The following RNF43 variants were observed in gnomAD, a reference collection of about 807,000 sequenced individuals.
RNF43 encodes E3 ubiquitin-protein ligase RNF43.
RNF43 carries 37 observed loss-of-function variants against 78.4 expected under a neutral mutation model. The observed-to-expected ratio is 0.47, with a 90% CI of 0.36 to 0.62. The LOEUF is 0.62. Ranked by LOEUF, RNF43 falls within the 20% of genes least tolerant of loss-of-function variation. The pLI is 0.00. For synonymous variants in RNF43, 347 were observed against 395.0 expected (o/e 0.88, Z 1.44); for missense variants, 774 against 1,007.9 (o/e 0.77, Z 3.14).
At chr17:58,362,369 T>C (rs748992120) in intron 6 of RNF43, among the ~76,000 whole-genome samples, 175 bp downstream of exon 6, 6 of 152,086 alleles carry the variant, frequency 3.9e-5, no homozygotes, top group Admixed American at 2.0e-4. Flanking sequence ...GTTGAATGGA[T>C]GAGTAATATG....
intron 3 of RNF43, among the ~76,000 whole-genome samples, chr17:58,369,514 G>A (rs1017778434): frequency 2.6e-5 from 4 of 152,200 alleles, no homozygotes; most frequent in Admixed American, 6.5e-5. Flanking sequence ...CACAAAGGCC[G>A]GGAGTGTCAC....
At chr17:58,374,375 C>T (rs1973160356) in intron 2 of RNF43, among the ~76,000 whole-genome samples, 1 of 151,760 alleles carries the variant, frequency 6.6e-6, no homozygotes, top group Admixed American at 6.6e-5. Context: ...TTCTTAGACC[C>T]TCCTCTCTTT....
rs560298338 is a variant in RNF43 at position 58,389,779 on chromosome 17, C to T, written c.253-18746G>A. Among the ~76,000 whole-genome samples the T allele has an allele frequency of 7.3e-4, 111 of 152,320 alleles. 1 individual carries two copies. Among genetic ancestry groups the T allele is most frequent in the African/African-American group, 2.6e-3 (107 of 41,572 alleles). On this transcript the variant is annotated intron_variant, in intron 2 of 9. Transcript: ENST00000407977. ...GTATCTTATAAATTCTGTATTTCTA[C>T]AATTCTACTACATAAATATGATCTA...
At chr17:58,376,701 G>T (rs920674538) in intron 2 of RNF43, among the ~76,000 whole-genome samples, 1 of 152,172 alleles carries the variant, frequency 6.6e-6, no homozygotes, top group African/African-American at 2.4e-5. Context: ...TCATGAAGAT[G>T]CAAACACGAT....
intron 3 of RNF43, among the ~76,000 whole-genome samples, chr17:58,366,667 CTG>C (rs575052654): frequency 3.3e-4 from 50 of 152,340 alleles, no homozygotes; most frequent in African/African-American, 1.2e-3. Context: ...CTTCACTACT[CTG>C]TGTCTGTTGT....
At chr17:58,356,886 C>CTTTTTTTTT (rs150378896) in intron 9 of RNF43, 4 of 144,124 alleles carry the variant, frequency 2.8e-5, no homozygotes, top group Admixed American at 2.1e-4. Flanking sequence ...CCAAATGCCT[C>CTTTTTTTTT]TTTTTTTTTT....
intron 2 of RNF43, among the ~76,000 whole-genome samples, chr17:58,386,511 T>C (rs1598152628): frequency 6.6e-6 from 1 of 152,198 alleles, no homozygotes; most frequent in East Asian, 1.9e-4. Flanking sequence ...GTACCAGCAG[T>C]TCCTGCACAT....
chr17:58,373,351 G>A (rs1973141200), intron 2 of RNF43, among the ~76,000 whole-genome samples: 3 of 152,152 alleles, frequency 2.0e-5, no homozygotes. Flanking sequence ...CTCTGACAAG[G>A]TGGAAGGGAA....
chr17:58,398,586 C>T (rs908529779), intron 2 of RNF43, among the ~76,000 whole-genome samples: 16 of 152,160 alleles, frequency 1.1e-4, no homozygotes, highest in Admixed American at 2.0e-4. Context: ...CAAACTGGAA[C>T]AACAGGGTAT....
In RNF43 at chr17:58,358,772, G is replaced by C. The variant is rs1972767060; in HGVS notation, c.1004C>G (p.Pro335Arg). The part of the protein sequence containing the change: ...SLGPSRSYQE[P>R]GRRLHLIRQH... ...GCGAATGAGGTGGAGTCTTCGACCTGGTTCTTGGTAAGATCGAGAGGGTCC... is the reference window on the plus strand; with the variant it reads ...GCGAATGAGGTGGAGTCTTCGACCTCGTTCTTGGTAAGATCGAGAGGGTCC... Residue 335 changes from proline to arginine, a missense_variant, in exon 9 of 10, where the codon CCA (proline) becomes CGA (arginine). Coordinates refer to ENST00000407977, the MANE Select transcript of RNF43 (RefSeq NM_017763.6). This position sits in a 1 kb window ranked among gnomAD's most constrained non-coding sequence, Gnocchi z 6.2. 1 of 1,558,752 alleles carries C rather than the reference G, an allele frequency of 6.4e-7. No individual in the cohort carries two copies. The highest frequency in any genetic ancestry group is 1.4e-5 in the African/African-American group (1 of 73,276).
intron 2 of RNF43, among the ~76,000 whole-genome samples, chr17:58,403,003 G>T (rs138803275): frequency 1.6e-4 from 24 of 152,256 alleles, no homozygotes; most frequent in African/African-American, 5.3e-4. Context: ...TTTTTTTGGG[G>T]TGGGGGGGTA....
chr17:58,373,010 C>A (rs374309576), intron 2 of RNF43, among the ~76,000 whole-genome samples: 2 of 152,298 alleles, frequency 1.3e-5, no homozygotes, highest in South Asian at 4.1e-4. Context: ...CACTGGAGAC[C>A]AATTTCTCTG....
intron 2 of RNF43, among the ~76,000 whole-genome samples, chr17:58,385,226 T>A (rs1415027899): frequency 1.3e-5 from 2 of 152,326 alleles, no homozygotes; most frequent in East Asian, 3.9e-4. Context: ...TCTTATTCAC[T>A]CCAGTATCTT....
At chr17:58,409,771 G>A (rs1973985752) in intron 2 of RNF43, among the ~76,000 whole-genome samples, 1 of 152,162 alleles carries the variant, frequency 6.6e-6, no homozygotes, top group Non-Finnish European at 1.5e-5. Context: ...TGTGGTCCCA[G>A]CTACTTGGGG....
In RNF43 at chr17:58,417,172, C is replaced by CAGGT. The variant is rs1974143617; in HGVS notation, c.-545_-542dup. The CAGGT allele has an allele frequency of 6.6e-6, 1 of 152,218 alleles. No homozygotes were observed. Among genetic ancestry groups the CAGGT allele is most frequent in the Non-Finnish European group, 1.5e-5 (1 of 68,080 alleles). The allele number at this position is 152,218 out of a possible 1,614,324, so 9.4% of individuals were successfully genotyped here. A position where few individuals can be genotyped will look rare whatever the true frequency, so the allele number is the denominator to read the frequency against. On this transcript the variant is annotated 5_prime_UTR_variant, in exon 1 of 10. An upstream open reading frame in the 5' UTR gains an earlier in-frame stop. Coordinates refer to ENST00000407977, the MANE Select transcript of RNF43 (RefSeq NM_017763.6). ...CAACCAAACCAAGTGCCCCATACTA[C>CAGGT]AGGTAGGTGCCGAGAAATTCCGCAG...
chr17:58,361,880 A>G (rs1018572523), intron 6 of RNF43, among the ~76,000 whole-genome samples: 1 of 152,124 alleles, frequency 6.6e-6, no homozygotes. Context: ...CTTTGCTGCA[A>G]TGCCATCTTC....
intron 2 of RNF43, among the ~76,000 whole-genome samples, chr17:58,406,761 TTTTTTTTTA>T (rs1465070513): frequency 2.0e-5 from 3 of 151,716 alleles, no homozygotes; most frequent in African/African-American, 7.3e-5. Context: ...TATACTTTTT[TTTTTTTTTA>T]AAATAGCAAA....
chr17:58,376,709 G>A (rs746405214), intron 2 of RNF43, among the ~76,000 whole-genome samples: 124 of 152,272 alleles, frequency 8.1e-4, no homozygotes, highest in Non-Finnish European at 1.3e-3. Context: ...ATGCAAACAC[G>A]ATTTCTACAG....
intron 2 of RNF43, among the ~76,000 whole-genome samples, chr17:58,397,799 G>A (rs1280022433): frequency 6.6e-6 from 1 of 152,098 alleles, no homozygotes; most frequent in African/African-American, 2.4e-5. Flanking sequence ...TTTAGGCTAT[G>A]TTATTCATCT....
Sources: gnomAD v4.1 joint callset for allele counts (sites outside exome capture counted in the v4.1 genomes callset) on GRCh38, gnomAD v4.1.1 for gene constraint, Gnocchi (gnomAD v3.1) non-coding constraint, MANE v1.5 for transcripts, NCBI Gene and HGNC (gene_info 2026-07-23, HGNC 2026-07-21) for gene names.